The following NEBL variants were observed in gnomAD, a reference collection of about 807,000 sequenced individuals.
The protein encoded by NEBL is nebulette.
A neutral mutation model predicts 140.2 loss-of-function variants in NEBL; 122 were observed. That is an observed-to-expected ratio of 0.87 (90% CI 0.75 to 1.01). NEBL has a LOEUF of 1.01. Among genes scored for constraint, NEBL ranks in the 50% least tolerant of loss-of-function variants. NEBL has a pLI of 0.00. For missense variants in NEBL, 1,365 were observed against 1,231.3 expected, an observed-to-expected ratio of 1.11 and a Z score of -1.62; for synonymous variants, 436 against 398.9, an observed-to-expected ratio of 1.09 and a Z score of -1.11.
intron 7 of NEBL, among the ~76,000 whole-genome samples, chr10:20,867,180 A>G (rs1448939074): frequency 4.6e-5 from 7 of 152,036 alleles, no homozygotes; most frequent in Non-Finnish European, 1.0e-4. Context: ...TTTCATTTAA[A>G]TTTTTTAAAC....
intron 2 of NEBL, among the ~76,000 whole-genome samples, chr10:21,067,288 A>G (rs1835611601): frequency 6.6e-6 from 1 of 152,212 alleles, no homozygotes; most frequent in Non-Finnish European, 1.5e-5. Flanking sequence ...TTTAACTTTT[A>G]AAGTGAAATA....
At chr10:20,986,285 G>A (rs1000881005) in intron 3 of NEBL, among the ~76,000 whole-genome samples, 5 of 152,134 alleles carry the variant, frequency 3.3e-5, no homozygotes, top group African/African-American at 1.2e-4. Flanking sequence ...AACTAGATTA[G>A]CCTACTCCAA....
chr10:21,076,439 A>T (rs1164274455), intron 2 of NEBL, among the ~76,000 whole-genome samples: 1 of 113,518 alleles, frequency 8.8e-6, no homozygotes, highest in East Asian at 2.6e-4. Context: ...AGAGAGACTC[A>T]GTTTCAAAAA....
intron 3 of NEBL, among the ~76,000 whole-genome samples, chr10:21,219,862 T>G (rs1403254304): frequency 1.1e-5 from 1 of 88,598 alleles, no homozygotes; most frequent in African/African-American, 1.6e-4. Flanking sequence ...TTTCTTGGGT[T>G]TTTTTTTTTT....
intron 2 of NEBL, among the ~76,000 whole-genome samples, chr10:21,154,458 C>CAAA (rs368260076): frequency 0.21 from 24,820 of 117,294 alleles, 2,539 homozygotes; most frequent in African/African-American, 0.26. Flanking sequence ...GACTCTGCTT[C>CAAA]AAAAAAAAAA....
chr10:20,814,137 C>T (rs1838456933), intron 22 of NEBL, 94 bp from the exon 23 acceptor site: 2 of 807,396 alleles, frequency 2.5e-6, no homozygotes, highest in East Asian at 2.5e-5. Flanking sequence ...ATGCAACATA[C>T]TTGAAATTAT....
chr10:20,937,030 C>T (rs1447646253), intron 4 of NEBL, among the ~76,000 whole-genome samples: 4 of 152,160 alleles, frequency 2.6e-5, no homozygotes, highest in Admixed American at 6.5e-5. Context: ...ACTTTGCTTT[C>T]GATGTGTGAT....
chr10:20,938,093 G>A (rs764699772), intron 4 of NEBL, among the ~76,000 whole-genome samples: 10 of 152,162 alleles, frequency 6.6e-5, no homozygotes, highest in African/African-American at 9.7e-5. Context: ...AGACAGTAGT[G>A]GTTCTCCCAG....
At chr10:21,107,695 G>A (rs1371571398) in intron 2 of NEBL, among the ~76,000 whole-genome samples, 1 of 152,122 alleles carries the variant, frequency 6.6e-6, no homozygotes, top group African/African-American at 2.4e-5. Flanking sequence ...AATGAGTTAG[G>A]GAGGATTCCC....
chr10:21,271,622 T>C (rs561182262), intron 1 of NEBL, among the ~76,000 whole-genome samples: 10 of 151,148 alleles, frequency 6.6e-5, no homozygotes, highest in Admixed American at 2.0e-4. Flanking sequence ...ACCTCCCAGG[T>C]TCAAGCGATT....
intron 4 of NEBL, among the ~76,000 whole-genome samples, chr10:20,912,103 T>C (rs1373795096): frequency 5.3e-5 from 8 of 152,238 alleles, no homozygotes; most frequent in Non-Finnish European, 1.2e-4. Context: ...ACTATTTTAG[T>C]TTTTCTGCAA....
At chr10:20,998,194 T>G (rs892229747) in intron 3 of NEBL, among the ~76,000 whole-genome samples, 2 of 152,162 alleles carry the variant, frequency 1.3e-5, no homozygotes, top group Non-Finnish European at 2.9e-5. Flanking sequence ...AAGAAACATC[T>G]CAGGCTTTGG....
At chr10:21,154,936 C>T (rs577062640) in intron 2 of NEBL, among the ~76,000 whole-genome samples, 1 of 152,310 alleles carries the variant, frequency 6.6e-6, no homozygotes, top group Non-Finnish European at 1.5e-5. Flanking sequence ...CGTAGTGGCT[C>T]ACGCCTGTAA....
intron 2 of NEBL, among the ~76,000 whole-genome samples, chr10:21,061,318 T>A (rs9299775): frequency 9.3e-6 from 1 of 107,286 alleles, no homozygotes. Flanking sequence ...TGATATGTAA[T>A]ATATTACATA....
Position 20,840,771 on chromosome 10 carries a change from T to G in NEBL, c.1306A>C (p.Arg436=). 1 of 1,611,946 alleles carries G rather than the reference T, an allele frequency of 6.2e-7. No individual in the cohort carries two copies. Among genetic ancestry groups the G allele is most frequent in the Non-Finnish European group, 8.5e-7 (1 of 1,178,476 alleles). ...GCCATTTCAGAGGCTCGCTTTGCTCTTTGGATATCAAGAACTTCTGAATTA... is the reference window on the plus strand; with the variant it reads ...GCCATTTCAGAGGCTCGCTTTGCTCGTTGGATATCAAGAACTTCTGAATTA... ...ELNSEVLDIQ[R]AKRASEMASE... The change falls in exon 13 of 28, where the codon AGA becomes CGA. Residue 436 remains arginine, a synonymous_variant. Transcript: ENST00000377122.
chr10:20,857,583 G>A, intron 9 of NEBL, among the ~76,000 whole-genome samples: 1 of 152,186 alleles, frequency 6.6e-6, no homozygotes, highest in Non-Finnish European at 1.5e-5. Context: ...TCTTAGGGCT[G>A]TCAGTTACGA....
At chr10:20,867,268 TTAG>T (rs1426814079) in intron 7 of NEBL, among the ~76,000 whole-genome samples, 1 of 152,124 alleles carries the variant, frequency 6.6e-6, no homozygotes, top group Non-Finnish European at 1.5e-5. Context: ...TTTAGGATGT[TTAG>T]TATCAAGGCT....
chr10:21,177,958 A>G (rs1043994618), upstream of NEBL, among the ~76,000 whole-genome samples: 9 of 152,202 alleles, frequency 5.9e-5, no homozygotes, highest in African/African-American at 1.2e-4. Context: ...TTTGTCAGGT[A>G]TTGTATAAAA....
At chr10:21,284,435 C>T (rs1843031906) in intron 1 of NEBL, among the ~76,000 whole-genome samples, 1 of 151,924 alleles carries the variant, frequency 6.6e-6, no homozygotes, top group Non-Finnish European at 1.5e-5. Context: ...ATTACTCCTC[C>T]ATTGATATGC....
Sources: allele counts gnomAD v4.1 joint callset (sites outside exome capture counted in the v4.1 genomes callset), GRCh38; gene constraint gnomAD v4.1.1; transcripts MANE v1.5; gene names NCBI Gene and HGNC (gene_info 2026-07-23, HGNC 2026-07-21).